The following MGLL variants were observed in gnomAD, a reference collection of about 807,000 sequenced individuals.
MGLL encodes lysophospholipase homolog.
In MGLL, 7 loss-of-function variants were observed where a neutral mutation model predicts 29.1. That is an observed-to-expected ratio of 0.24 (90% confidence interval 0.14 to 0.45). The LOEUF is 0.45. Ranked by LOEUF, MGLL falls within the 20% of genes least tolerant of loss-of-function variation. The pLI is 0.99. For synonymous variants in MGLL, 148 were observed against 168.3 expected, an observed-to-expected ratio of 0.88 and a Z score of 0.93; for missense variants, 356 against 413.6, an observed-to-expected ratio of 0.86 and a Z score of 1.21.
At chr3:127,821,102 A>T (rs2077851706) in intron 2 of MGLL, among the ~76,000 whole-genome samples, 2 of 152,230 alleles carry the variant, frequency 1.3e-5, no homozygotes, top group South Asian at 4.1e-4. Context: ...GCTTCATCCA[A>T]GAGGAGGGAG....
intron 6 of MGLL, among the ~76,000 whole-genome samples, chr3:127,696,345 T>C (rs2075362291): frequency 6.6e-6 from 1 of 150,448 alleles, no homozygotes; most frequent in African/African-American, 2.4e-5. Flanking sequence ...GGGGAGAAGT[T>C]TCTAGGAATC....
chr3:127,803,207 T>G (rs936476173), intron 2 of MGLL, among the ~76,000 whole-genome samples: 1 of 152,218 alleles, frequency 6.6e-6, no homozygotes, highest in African/African-American at 2.4e-5. Flanking sequence ...CTCGAACTCC[T>G]GGCCTCAAAT....
At chr3:127,754,185 C>T (rs1268949178) in intron 3 of MGLL, among the ~76,000 whole-genome samples, 1 of 152,176 alleles carries the variant, frequency 6.6e-6, no homozygotes, top group Admixed American at 6.5e-5. Context: ...CAGGGGCTTC[C>T]CTCTGTGAAC....
chr3:127,737,627 C>CTGCTTTTTTTTTTT, intron 3 of MGLL, among the ~76,000 whole-genome samples: 1 of 80,030 alleles, frequency 1.2e-5, no homozygotes, highest in Non-Finnish European at 2.1e-5. Flanking sequence ...TCATCAACTG[C>CTGCTTTTTTTTTTT]TTCTTTTTTT....
chr3:127,778,717 A>G (rs1395570476), intron 3 of MGLL, among the ~76,000 whole-genome samples: 5 of 152,182 alleles, frequency 3.3e-5, no homozygotes, highest in South Asian at 4.1e-4. Context: ...AATGGGCACA[A>G]TAAATGTCCT....
At chr3:127,791,519 C>T (rs998723660) in intron 2 of MGLL, among the ~76,000 whole-genome samples, 12 of 152,186 alleles carry the variant, frequency 7.9e-5, no homozygotes, top group African/African-American at 2.4e-4. Flanking sequence ...ACCCCTACCC[C>T]GAAAGGGAAG....
intron 3 of MGLL, among the ~76,000 whole-genome samples, chr3:127,777,059 G>C (rs2077048703): frequency 1.3e-5 from 2 of 150,962 alleles, no homozygotes; most frequent in Admixed American, 6.6e-5. Flanking sequence ...CTCTGGGGAA[G>C]ACGGGTCATG....
intron 3 of MGLL, among the ~76,000 whole-genome samples, chr3:127,767,483 G>C (rs1265720863): frequency 6.6e-6 from 1 of 152,208 alleles, no homozygotes. Flanking sequence ...ACCTTAGCTT[G>C]TGAGATTCTC....
At chr3:127,721,507 GTTT>G (rs55892315) in intron 4 of MGLL, among the ~76,000 whole-genome samples, 27 of 94,828 alleles carry the variant, frequency 2.8e-4, no homozygotes, top group African/African-American at 9.0e-4. Context: ...TAATAGGAGG[GTTT>G]TTTTTTTTTT....
At chr3:127,810,592 T>G (rs1443756841) in intron 2 of MGLL, among the ~76,000 whole-genome samples, 1 of 152,210 alleles carries the variant, frequency 6.6e-6, no homozygotes. Flanking sequence ...TGTATGGCAC[T>G]GCCTCCCTGA....
At chr3:127,708,546 G>C (rs1311670818) in intron 6 of MGLL, among the ~76,000 whole-genome samples, 1 of 152,234 alleles carries the variant, frequency 6.6e-6, no homozygotes, top group African/African-American at 2.4e-5. Context: ...TTTAAATAGA[G>C]AGGGTTTGGA....
chr3:127,690,234 A>T lies in MGLL; in HGVS notation c.*1964T>A, dbSNP rs1234234656. 2.0e-5 allele frequency: 3 copies of T among 152,194 alleles called. No homozygotes were observed. Among genetic ancestry groups the T allele is most frequent in the African/African-American group, 7.2e-5 (3 of 41,438 alleles). The allele number at this position is 152,194 out of a possible 1,614,324, so 9.4% of individuals were successfully genotyped here. A position where few individuals can be genotyped will look rare whatever the true frequency, so the allele number is the denominator to read the frequency against. ...GGCTGCCCTGCTGCCGGGGCTGACTAAGCAGGCGGGGCTGGCTTTCTCAGT... is the reference window on the plus strand; with the variant it reads ...GGCTGCCCTGCTGCCGGGGCTGACTTAGCAGGCGGGGCTGGCTTTCTCAGT... On this transcript the variant is annotated 3_prime_UTR_variant, in exon 8 of 8. Coordinates refer to ENST00000265052, the MANE Select transcript of MGLL (RefSeq NM_007283.7).
intron 5 of MGLL, chr3:127,711,714 C>T (rs2075717311): frequency 6.7e-6 from 1 of 149,728 alleles, no homozygotes; most frequent in Admixed American, 6.7e-5. Context: ...GTGCATTGGG[C>T]ACAGTTTCCC....
At chr3:127,773,060 A>C (rs996708413) in intron 3 of MGLL, among the ~76,000 whole-genome samples, 1 of 152,216 alleles carries the variant, frequency 6.6e-6, no homozygotes, top group Non-Finnish European at 1.5e-5. Flanking sequence ...CACTCTCGGC[A>C]GATCTGAAGG....
rs201772034 is a variant in MGLL, at chr3:127,722,549, C to T, written c.280G>A (p.Glu94Lys). The T allele has an allele frequency of 2.4e-4, 382 of 1,614,234 alleles. No homozygotes were observed. The highest frequency in any genetic ancestry group is 3.0e-4 in the Non-Finnish European group (351 of 1,180,048). Residue 94 changes from glutamate to lysine, a missense_variant, in exon 4 of 8, where the codon GAA (glutamate) becomes AAA (lysine). Transcript: ENST00000265052. Reference protein sequence around the residue: ...AHDHVGHGQSEGERMVVSDFH... With the variant: ...AHDHVGHGQSKGERMVVSDFH... ...TCAGACACTACCATCCTCTCCCCTTCGCTCTGTCCGTGGCCAACTGGAAAG... is the reference window on the plus strand; with the variant it reads ...TCAGACACTACCATCCTCTCCCCTTTGCTCTGTCCGTGGCCAACTGGAAAG...
chr3:127,727,087 T>C (rs756675609), intron 3 of MGLL, among the ~76,000 whole-genome samples: 2 of 152,208 alleles, frequency 1.3e-5, no homozygotes, highest in Non-Finnish European at 2.9e-5. Flanking sequence ...CTGTATCTGA[T>C]TGTTTCCCGT....
At chr3:127,748,402 GAGAGAA>G (rs1308682635) in intron 3 of MGLL, among the ~76,000 whole-genome samples, 21 of 147,312 alleles carry the variant, frequency 1.4e-4, no homozygotes, top group African/African-American at 4.7e-4. Flanking sequence ...GGGAGAGAGA[GAGAGAA>G]AGAGAGAGAG....
chr3:127,800,490 C>A (rs1576306166), intron 2 of MGLL, among the ~76,000 whole-genome samples: 3 of 152,256 alleles, frequency 2.0e-5, no homozygotes, highest in South Asian at 4.1e-4. Flanking sequence ...ATGAGGAGAA[C>A]CATAGGACCT....
At chr3:127,699,639 A>G (rs1246130955) in intron 6 of MGLL, among the ~76,000 whole-genome samples, 1 of 152,210 alleles carries the variant, frequency 6.6e-6, no homozygotes, top group Non-Finnish European at 1.5e-5. Flanking sequence ...CACTGCCATC[A>G]GCATTCTTAG....
Sources: allele counts gnomAD v4.1 joint callset (sites outside exome capture counted in the v4.1 genomes callset), GRCh38; gene constraint gnomAD v4.1.1; transcripts MANE v1.5; gene names NCBI Gene and HGNC (gene_info 2026-07-23, HGNC 2026-07-21).